The following SNCAIP variants were observed in gnomAD, a reference collection of about 807,000 sequenced individuals.
SNCAIP encodes synuclein alpha interacting protein.
A neutral mutation model predicts 86.7 loss-of-function variants in SNCAIP; 43 were observed. The ratio of observed to expected loss-of-function variants is 0.50; its 90% confidence interval spans 0.39 to 0.64. The LOEUF is 0.64. Ranked by LOEUF, SNCAIP falls within the 30% of genes least tolerant of loss-of-function variation. The pLI is 0.00. For synonymous variants in SNCAIP, 417 were observed against 427.2 expected (o/e 0.98, Z 0.29); for missense variants, 981 against 1,103.1 (o/e 0.89, Z 1.57).
In SNCAIP at chr5:122,451,034, G is replaced by A. The variant is rs2153001246; in HGVS notation, c.2187G>A (p.Gly729=). ...LMIKKHTLAS[G]GRRFPFSIKA... Reference sequence around the variant, plus strand: ...TTAAGAAACACACCTTGGCATCAGGGGGACGCAGGTTTCCTTTCAGCATCA... The same window carrying A: ...TTAAGAAACACACCTTGGCATCAGGAGGACGCAGGTTTCCTTTCAGCATCA... The change falls in exon 10 of 11, where the codon GGG becomes GGA. Residue 729 remains glycine, a synonymous_variant. Transcript: ENST00000261368. 3 of 1,614,142 alleles carry A rather than the reference G, an allele frequency of 1.9e-6. No homozygotes were observed. The highest frequency in any genetic ancestry group is 1.7e-5 in the Admixed American group (1 of 60,022).
intron 1 of SNCAIP, among the ~76,000 whole-genome samples, chr5:122,349,547 A>G (rs1029088974): frequency 2.5e-4 from 38 of 152,204 alleles, no homozygotes; most frequent in Admixed American, 1.3e-3. Flanking sequence ...AGAAAATTAG[A>G]TTTTTATTAA....
chr5:122,334,071 G>A (rs896666481), intron 1 of SNCAIP, among the ~76,000 whole-genome samples: 1 of 152,184 alleles, frequency 6.6e-6, no homozygotes, highest in Non-Finnish European at 1.5e-5. Flanking sequence ...TGAGAGGATG[G>A]TATGGCAGGC....
rs188104454 is a variant in SNCAIP at position 122,322,877 on chromosome 5, A to G, written c.-47+10593A>G. Among the ~76,000 whole-genome samples, 26 of 152,336 alleles carry G rather than the reference A, an allele frequency of 1.7e-4. 1 individual carries two copies. The highest frequency in any genetic ancestry group is 1.4e-3 in the Admixed American group (22 of 15,302). On this transcript the variant is annotated intron_variant, in intron 1 of 10. Coordinates refer to ENST00000261368, the MANE Select transcript of SNCAIP (RefSeq NM_005460.4). ...GCATCTGTTGGCTACAGTTTTGGGA[A>G]TGCTGCTTTCATTTGGGATTCTTAA...
intron 1 of SNCAIP, among the ~76,000 whole-genome samples, chr5:122,340,508 A>G (rs1757347162): frequency 6.6e-6 from 1 of 152,234 alleles, no homozygotes; most frequent in African/African-American, 2.4e-5. Flanking sequence ...CCACCAGGAA[A>G]GCTTCAGTAC....
At chr5:122,391,019 G>A (rs1946649) in intron 1 of SNCAIP, 70 bp from the exon 2 acceptor site, 604,367 of 795,110 alleles carry the variant, frequency 0.76, 231,206 homozygotes, top group African/African-American at 0.89. Context: ...TTGTTTAAAT[G>A]TAGACATTAT....
At chr5:122,420,515 A>T (rs2617288) in intron 3 of SNCAIP, among the ~76,000 whole-genome samples, 34 of 152,242 alleles carry the variant, frequency 2.2e-4, no homozygotes, top group Non-Finnish European at 3.8e-4. Context: ...AATCAAGGTA[A>T]TTGGCAAAAT....
chr5:122,456,721 AT>A lies in SNCAIP; in HGVS notation c.2754+5126del, dbSNP rs577581634. ...ATAACCATATTTTAATCTTGCTTTCATTTTTTGACCTTAAAATGTTAACATT... is the reference window on the plus strand; with the variant it reads ...ATAACCATATTTTAATCTTGCTTTCATTTTTGACCTTAAAATGTTAACATT... On this transcript the variant is annotated intron_variant, in intron 10 of 10. Transcript: ENST00000261368. 2.5e-3 allele frequency among the ~76,000 whole-genome samples: 380 copies of A among 152,174 alleles called. 1 individual carries two copies. Among genetic ancestry groups the A allele is most frequent in the African/African-American group, 5.9e-3 (246 of 41,532 alleles).
intron 1 of SNCAIP, among the ~76,000 whole-genome samples, chr5:122,334,562 G>A (rs896825118): frequency 3.3e-5 from 5 of 152,210 alleles, no homozygotes; most frequent in African/African-American, 4.8e-5. Flanking sequence ...GTGACATGCC[G>A]TGCGACTAGC....
chr5:122,412,014 A>C (rs1349024362), intron 3 of SNCAIP, among the ~76,000 whole-genome samples: 1 of 152,162 alleles, frequency 6.6e-6, no homozygotes, highest in Admixed American at 6.5e-5. Flanking sequence ...TCAAGGCCAG[A>C]GTGATCTTCT....
At chr5:122,358,215 A>ATC (rs1761477191) in intron 1 of SNCAIP, among the ~76,000 whole-genome samples, 1 of 149,354 alleles carries the variant, frequency 6.7e-6, no homozygotes, top group African/African-American at 2.5e-5. Context: ...ATATATATAT[A>ATC]TATAAAATAC....
intron 1 of SNCAIP, among the ~76,000 whole-genome samples, chr5:122,380,714 G>C (rs549824228): frequency 1.3e-5 from 2 of 150,422 alleles, no homozygotes; most frequent in Admixed American, 1.3e-4. Flanking sequence ...TGCTTTGAAT[G>C]CGTCCCAGAG....
chr5:122,400,716 A>T (rs1406536416), intron 2 of SNCAIP, among the ~76,000 whole-genome samples: 1 of 152,132 alleles, frequency 6.6e-6, no homozygotes, highest in East Asian at 1.9e-4. Context: ...TGAATGGGGG[A>T]CCCCCAAGTA....
chr5:122,338,633 T>A (rs1756969337), intron 1 of SNCAIP, among the ~76,000 whole-genome samples: 1 of 152,232 alleles, frequency 6.6e-6, no homozygotes, highest in African/African-American at 2.4e-5. Flanking sequence ...AGGATGCCTT[T>A]AAGTTCTCTT....
chr5:122,453,994 A>G (rs571718952), intron 10 of SNCAIP, among the ~76,000 whole-genome samples: 13 of 152,206 alleles, frequency 8.5e-5, no homozygotes, highest in Middle Eastern at 6.8e-3. Context: ...CCTGGCCTCA[A>G]ATGATCCACC....
chr5:122,422,024 A>C (rs1312462178), intron 3 of SNCAIP, among the ~76,000 whole-genome samples: 1 of 116,208 alleles, frequency 8.6e-6, no homozygotes, highest in Non-Finnish European at 1.8e-5. Flanking sequence ...AAAAAAAAAA[A>C]AAAACCACTC....
intron 2 of SNCAIP, chr5:122,400,959 G>GC: frequency 6.5e-7 from 1 of 1,529,580 alleles, no homozygotes; most frequent in African/African-American, 1.4e-5. Flanking sequence ...TTAACTGCAA[G>GC]CCCCCTCTTC....
chr5:122,403,743 C>T (rs1353986321), intron 2 of SNCAIP, 50 bp from the exon 3 acceptor site: 3 of 1,422,400 alleles, frequency 2.1e-6, no homozygotes, highest in Non-Finnish European at 3.0e-6. Context: ...TGAGTGAATG[C>T]TCGCATTTTA....
intron 1 of SNCAIP, among the ~76,000 whole-genome samples, chr5:122,342,656 A>C (rs145933455): frequency 1.0e-3 from 156 of 152,250 alleles, no homozygotes; most frequent in African/African-American, 3.3e-3. Context: ...GAACTTGCCT[A>C]TGTTATTCTT....
In SNCAIP at chr5:122,317,027, G is replaced by T. The variant is rs980860779; in HGVS notation, c.-47+4743G>T. Among the ~76,000 whole-genome samples, 3 of 152,146 alleles carry T rather than the reference G, an allele frequency of 2.0e-5. No homozygotes were observed. The East Asian group carries it at 5.8e-4, about 29-fold the overall frequency. On this transcript the variant is annotated intron_variant, in intron 1 of 10. Transcript: ENST00000261368. ...CTCAATAAATGTTAATTGAACGAGT[G>T]GATGTGCCATTATCTCGTGCAGTAA...
Sources: allele counts gnomAD v4.1 joint callset (sites outside exome capture counted in the v4.1 genomes callset), GRCh38; gene constraint gnomAD v4.1.1; transcripts MANE v1.5; gene names NCBI Gene and HGNC (gene_info 2026-07-23, HGNC 2026-07-21).